SHISA9: variants seen among roughly 807,000 people sequenced by gnomAD.
SHISA9 encodes the protein shisa family member 9, also known as protein shisa-9.
A neutral mutation model predicts 38.0 loss-of-function variants in SHISA9; 13 were observed. The ratio of observed to expected loss-of-function variants is 0.34; its 90% CI spans 0.22 to 0.54. The LOEUF (loss-of-function observed/expected upper bound fraction) is 0.54, where lower values mean the gene tolerates loss of function less well. SHISA9 is among the 20% of genes least tolerant of loss of function. SHISA9 has a pLI of 0.91. For missense variants in SHISA9, 538 were observed against 575.8 expected, an observed-to-expected ratio of 0.93 and a Z score of 0.67; for synonymous variants, 275 against 242.0, an observed-to-expected ratio of 1.14 and a Z score of -1.27.
At chr16:13,145,495 C>G (rs1354884243) in intron 2 of SHISA9, among the ~76,000 whole-genome samples, 1 of 152,110 alleles carries the variant, frequency 6.6e-6, no homozygotes, top group Non-Finnish European at 1.5e-5. Context: ...CCATTGCACT[C>G]CAGCCTGGGC....
At chr16:12,930,004 C>T (rs1190076331) in intron 2 of SHISA9, among the ~76,000 whole-genome samples, 1 of 152,208 alleles carries the variant, frequency 6.6e-6, no homozygotes, top group South Asian at 2.1e-4. Flanking sequence ...GTAAAGATCT[C>T]ACCATCATCC....
At chr16:13,266,646 A>G in the SHISA9 span, among the ~76,000 whole-genome samples, 3 of 152,266 alleles carry the variant, frequency 2.0e-5, no homozygotes, top group Admixed American at 1.3e-4. Context: ...AAAACACACA[A>G]CTTTTAAGAT....
At chr16:12,973,337 G>A (rs1374201038) in intron 2 of SHISA9, among the ~76,000 whole-genome samples, 1 of 152,206 alleles carries the variant, frequency 6.6e-6, no homozygotes, top group Non-Finnish European at 1.5e-5. Context: ...TGATTCTTCA[G>A]GGAAATAGAA....
chr16:13,293,955 C>T, the SHISA9 span, among the ~76,000 whole-genome samples: 2 of 152,116 alleles, frequency 1.3e-5, no homozygotes, highest in African/African-American at 2.4e-5. Flanking sequence ...CTTGGTTGTG[C>T]GAAGGGTTGG....
intron 2 of SHISA9, among the ~76,000 whole-genome samples, chr16:13,071,643 C>T (rs977467310): frequency 6.7e-6 from 1 of 149,078 alleles, no homozygotes. Context: ...TCCTTCCCTC[C>T]TTCCTGTCTT....
At chr16:13,536,070 C>T in the SHISA9 span, among the ~76,000 whole-genome samples, 1 of 151,632 alleles carries the variant, frequency 6.6e-6, no homozygotes, top group African/African-American at 2.4e-5. Flanking sequence ...ACGGTCTCGG[C>T]TCACCGCAAC....
chr16:13,289,445 A>G, the SHISA9 span, among the ~76,000 whole-genome samples: 5 of 152,216 alleles, frequency 3.3e-5, no homozygotes, highest in African/African-American at 1.2e-4. Flanking sequence ...GGGTTCTAGA[A>G]AGAAGTAACC....
chr16:13,322,860 A>G, the SHISA9 span, among the ~76,000 whole-genome samples: 1 of 152,162 alleles, frequency 6.6e-6, no homozygotes, highest in African/African-American at 2.4e-5. Context: ...TAACTCCCAC[A>G]TTATGGTTGT....
At chr16:13,435,207 G>T in the SHISA9 span, among the ~76,000 whole-genome samples, 24 of 150,984 alleles carry the variant, frequency 1.6e-4, no homozygotes, top group African/African-American at 5.6e-4. Context: ...TGAAAGGATA[G>T]ATGTACCCAT....
At chr16:12,985,225 A>G (rs1317727) in intron 2 of SHISA9, among the ~76,000 whole-genome samples, 1 of 144,506 alleles carries the variant, frequency 6.9e-6, no homozygotes, top group Non-Finnish European at 1.5e-5. Flanking sequence ...TCAACGAAAA[A>G]TAAATAAATA....
chr16:13,406,696 C>G, the SHISA9 span, among the ~76,000 whole-genome samples: 1 of 152,184 alleles, frequency 6.6e-6, no homozygotes, highest in African/African-American at 2.4e-5. Flanking sequence ...TTAGGATTTT[C>G]TGACCTCATC....
chr16:12,968,141 G>A (rs1049375015), intron 2 of SHISA9, among the ~76,000 whole-genome samples: 8 of 141,126 alleles, frequency 5.7e-5, no homozygotes, highest in African/African-American at 1.9e-4. Flanking sequence ...AGTGACCTGA[G>A]GTGGCACCAC....
At chr16:13,520,029 A>C in the SHISA9 span, among the ~76,000 whole-genome samples, 1 of 152,156 alleles carries the variant, frequency 6.6e-6, no homozygotes, top group Non-Finnish European at 1.5e-5. Context: ...ATCCAGATGG[A>C]AGAAGGCCCA....
chr16:13,289,044 C>T, the SHISA9 span, among the ~76,000 whole-genome samples: 1 of 152,120 alleles, frequency 6.6e-6, no homozygotes, highest in South Asian at 2.1e-4. Flanking sequence ...GAAAACCTGT[C>T]TTCAGGAGAG....
chr16:12,946,739 G>T (rs1047190917), intron 2 of SHISA9, among the ~76,000 whole-genome samples: 1 of 152,260 alleles, frequency 6.6e-6, no homozygotes, highest in African/African-American at 2.4e-5. Context: ...TGGCGGAGAA[G>T]GGGGCAGCTG....
At chr16:13,107,268 C>A (rs2073934745) in intron 2 of SHISA9, among the ~76,000 whole-genome samples, 1 of 151,804 alleles carries the variant, frequency 6.6e-6, no homozygotes, top group Non-Finnish European at 1.5e-5. Flanking sequence ...CCCATCTCTA[C>A]TAAAAAAATA....
chr16:12,992,573 A>G (rs982279990), intron 2 of SHISA9, among the ~76,000 whole-genome samples: 1 of 151,840 alleles, frequency 6.6e-6, no homozygotes, highest in Admixed American at 6.6e-5. Context: ...CAAAACAAAA[A>G]TACCAAAATT....
At chr16:13,346,707 G>A in the SHISA9 span, among the ~76,000 whole-genome samples, 2 of 152,094 alleles carry the variant, frequency 1.3e-5, no homozygotes, top group African/African-American at 4.8e-5. Context: ...GTCAAGTGGT[G>A]TCTACCCAAA....
chr16:13,010,667 T>A (rs1322647134), intron 2 of SHISA9, among the ~76,000 whole-genome samples: 1 of 151,992 alleles, frequency 6.6e-6, no homozygotes, highest in African/African-American at 2.4e-5. Context: ...GCTAGTTGAA[T>A]AATGGTTGGG....
Sources: allele counts gnomAD v4.1 joint callset (sites outside exome capture counted in the v4.1 genomes callset), GRCh38; gene constraint gnomAD v4.1.1; transcripts MANE v1.5; gene names NCBI Gene and HGNC (gene_info 2026-07-23, HGNC 2026-07-21).